ASAP1: variants seen among roughly 807,000 people sequenced by gnomAD.
ASAP1 encodes the protein ArfGAP with SH3 domain, ankyrin repeat and PH domain 1, also known as arf-GAP with SH3 domain, ANK repeat and PH domain-containing protein 1.
A neutral mutation model predicts 145.2 loss-of-function variants in ASAP1; 43 were observed. That is an observed-to-expected ratio of 0.30 (90% CI 0.23 to 0.38). ASAP1 has a LOEUF of 0.38. ASAP1 is among the 10% of genes least tolerant of loss of function. ASAP1 has a pLI of 1.00. For synonymous variants in ASAP1, 546 were observed against 515.5 expected (o/e 1.06, Z -0.80); for missense variants, 1,018 against 1,355.3 (o/e 0.75, Z 3.91).
intron 27 of ASAP1, among the ~76,000 whole-genome samples, chr8:130,062,899 A>G (rs6470798): frequency 0.88 from 133,689 of 152,132 alleles, 58,879 homozygotes; most frequent in East Asian, 0.96. Context: ...GCTTGAGCCC[A>G]GGGTCCAAGG....
At chr8:130,318,816 C>T (rs1274208098) in intron 3 of ASAP1, among the ~76,000 whole-genome samples, 3 of 152,068 alleles carry the variant, frequency 2.0e-5, no homozygotes, top group Non-Finnish European at 4.4e-5. Context: ...AAGACATTGT[C>T]AGTGGAAATG....
At chr8:130,169,879 C>A (rs572347807) in intron 9 of ASAP1, among the ~76,000 whole-genome samples, 1 of 152,294 alleles carries the variant, frequency 6.6e-6, no homozygotes, top group East Asian at 1.9e-4. Flanking sequence ...AGATTCTGAT[C>A]CACGCTCTTT....
At chr8:130,239,223 G>A (rs779114639) in intron 3 of ASAP1, among the ~76,000 whole-genome samples, 6 of 152,050 alleles carry the variant, frequency 3.9e-5, no homozygotes, top group Admixed American at 2.0e-4. Flanking sequence ...GATAAATTTT[G>A]TATTACTGAA....
chr8:130,076,383 A>G lies in ASAP1; in HGVS notation c.2666T>C (p.Leu889Pro). The part of the protein sequence containing the change: ...QSSTSSAKTA[L>P]GPRVLPKLPQ... ...TAGTTTAGGAAGAACTCTTGGGCCA[A>G]GGGCAGTCTTTGCAGAACTGGTGCT... The change falls in exon 27 of 30, where the codon CTT becomes CCT. Residue 889 changes from leucine (L) to proline (P), a missense_variant. Coordinates refer to ENST00000518721, the MANE Select transcript of ASAP1 (RefSeq NM_018482.4). The G allele has an allele frequency of 6.2e-7, 1 of 1,612,492 alleles. No homozygotes were observed. Among genetic ancestry groups the G allele is most frequent in the Non-Finnish European group, 8.5e-7 (1 of 1,179,462 alleles).
At chr8:130,209,971 A>C (rs1816477860) in intron 5 of ASAP1, among the ~76,000 whole-genome samples, 1 of 152,206 alleles carries the variant, frequency 6.6e-6, no homozygotes, top group Non-Finnish European at 1.5e-5. Flanking sequence ...GGAAAACTTG[A>C]ATTTGCCACG....
At chr8:130,292,889 G>C (rs752005174) in intron 3 of ASAP1, among the ~76,000 whole-genome samples, 5 of 152,190 alleles carry the variant, frequency 3.3e-5, no homozygotes, top group Non-Finnish European at 7.4e-5. Context: ...ACTGTTCTGT[G>C]AACAGAGAAA....
chr8:130,097,955 A>C (rs2097522093), intron 24 of ASAP1, among the ~76,000 whole-genome samples: 1 of 152,216 alleles, frequency 6.6e-6, no homozygotes, highest in South Asian at 2.1e-4. Flanking sequence ...ATATACCTTA[A>C]AAAATGAAAA....
At chr8:130,295,035 G>C (rs1410038035) in intron 3 of ASAP1, among the ~76,000 whole-genome samples, 1 of 152,138 alleles carries the variant, frequency 6.6e-6, no homozygotes, top group Non-Finnish European at 1.5e-5. Flanking sequence ...AGGCTGAGGT[G>C]GGAGGATTGC....
chr8:130,350,392 A>C (rs16904253), intron 3 of ASAP1, among the ~76,000 whole-genome samples: 1 of 152,110 alleles, frequency 6.6e-6, no homozygotes, highest in Non-Finnish European at 1.5e-5. Context: ...CAAAGCAATG[A>C]GGACTAAACT....
chr8:130,402,085 G>A (rs1828823042), intron 1 of ASAP1, 115 bp from the exon 2 acceptor site: 1 of 644,192 alleles, frequency 1.6e-6, no homozygotes, highest in African/African-American at 1.8e-5. Context: ...TGTCAGGAAT[G>A]TTCTTGCACC....
chr8:130,058,198 C>T (rs990470112), intron 28 of ASAP1, 122 bp from the exon 29 acceptor site: 1 of 1,096,210 alleles, frequency 9.1e-7, no homozygotes, highest in Non-Finnish European at 1.3e-6. Context: ...TTGATTTCCT[C>T]ACCCTTGAAG....
At chr8:130,123,802 A>T (rs1311579624) in intron 18 of ASAP1, among the ~76,000 whole-genome samples, 1 of 150,742 alleles carries the variant, frequency 6.6e-6, no homozygotes, top group Non-Finnish European at 1.5e-5. Context: ...TAATTTTTAA[A>T]AAATTTTTAA....
intron 3 of ASAP1, among the ~76,000 whole-genome samples, chr8:130,264,096 A>G (rs1820101633): frequency 6.6e-6 from 1 of 152,234 alleles, no homozygotes; most frequent in Non-Finnish European, 1.5e-5. Flanking sequence ...AGGTCAACAG[A>G]GAGACACAAC....
chr8:130,179,364 CAG>C lies in ASAP1; in HGVS notation c.661-17_661-16del. On this transcript the variant is annotated splice_polypyrimidine_tract_variant and intron_variant, in intron 8 of 29. Transcript: ENST00000518721. ...TTAATGAGATACTGTGAAAATAAAACAGGGTTTTGCGTTGATTAATTCCAGAT... is the reference window on the plus strand; with the variant it reads ...TTAATGAGATACTGTGAAAATAAAACGGTTTTGCGTTGATTAATTCCAGAT... 6.5e-7 allele frequency: 1 copy of C among 1,541,586 alleles called. No individual in the cohort carries two copies. Among genetic ancestry groups the C allele is most frequent in the Non-Finnish European group, 9.0e-7 (1 of 1,114,884 alleles).
chr8:130,424,348 C>G (rs1484209436), intron 1 of ASAP1, among the ~76,000 whole-genome samples: 2 of 152,208 alleles, frequency 1.3e-5, no homozygotes, highest in Non-Finnish European at 2.9e-5. Flanking sequence ...GCCTAGCCCC[C>G]ACTCTCCTGA....
chr8:130,252,312 G>A lies in ASAP1; in HGVS notation c.187-15318C>T, dbSNP rs140038134. Among the ~76,000 whole-genome samples, 79 of 152,256 alleles carry A rather than the reference G, an allele frequency of 5.2e-4. No individual in the cohort carries two copies. The East Asian group carries it at 0.013, about 26-fold the overall frequency. ...TATCTAGAACTGTAAAGTGCAGAGAGGTACCTACAGATGTTTAACAGCTGT... is the reference window on the plus strand; with the variant it reads ...TATCTAGAACTGTAAAGTGCAGAGAAGTACCTACAGATGTTTAACAGCTGT... On this transcript the variant is annotated intron_variant, in intron 3 of 29. Coordinates refer to ENST00000518721, the MANE Select transcript of ASAP1 (RefSeq NM_018482.4).
intron 21 of ASAP1, 45 bp from the exon 22 acceptor site, chr8:130,116,790 C>A (rs902840519): frequency 2.5e-6 from 4 of 1,598,968 alleles, no homozygotes; most frequent in African/African-American, 2.7e-5. Flanking sequence ...CTAGGAAACA[C>A]CTTAAGAAGG....
intron 17 of ASAP1, among the ~76,000 whole-genome samples, chr8:130,125,130 G>T (rs1034822292): frequency 6.6e-6 from 1 of 152,122 alleles, no homozygotes; most frequent in African/African-American, 2.4e-5. Context: ...GGTTCATTCA[G>T]GTTCTGCTCA....
At chr8:130,277,147 T>C (rs992113006) in intron 3 of ASAP1, among the ~76,000 whole-genome samples, 18 of 152,148 alleles carry the variant, frequency 1.2e-4, no homozygotes, top group Non-Finnish European at 2.4e-4. Flanking sequence ...TTGATTACGA[T>C]GCATGCTCTA....
Sources: gnomAD v4.1 joint callset for allele counts (sites outside exome capture counted in the v4.1 genomes callset) on GRCh38, gnomAD v4.1.1 for gene constraint, MANE v1.5 for transcripts, NCBI Gene and HGNC (gene_info 2026-07-23, HGNC 2026-07-21) for gene names.